RHOBTB1: variants seen among roughly 807,000 people sequenced by gnomAD.
RHOBTB1 encodes the protein Rho related BTB domain containing 1.
A neutral mutation model predicts 71.6 loss-of-function variants in RHOBTB1; 40 were observed. The observed-to-expected ratio is 0.56, with a 90% CI of 0.43 to 0.73. The LOEUF (loss-of-function observed/expected upper bound fraction) is 0.73, where lower values mean the gene tolerates loss of function less well. RHOBTB1 is among the 30% of genes least tolerant of loss of function. RHOBTB1 has a pLI of 0.00. For missense variants in RHOBTB1, 797 were observed against 894.0 expected, an observed-to-expected ratio of 0.89 and a Z score of 1.38; for synonymous variants, 319 against 334.9, an observed-to-expected ratio of 0.95 and a Z score of 0.52.
intron 2 of RHOBTB1, among the ~76,000 whole-genome samples, chr10:60,933,142 T>C (rs538503262): frequency 5.9e-5 from 9 of 152,326 alleles, no homozygotes; most frequent in Non-Finnish European, 1.2e-4. Flanking sequence ...TTAAGATCTC[T>C]TACTTTATTT....
At chr10:60,906,826 C>T (rs1183753583) in intron 4 of RHOBTB1, among the ~76,000 whole-genome samples, 2 of 152,102 alleles carry the variant, frequency 1.3e-5, no homozygotes, top group Non-Finnish European at 2.9e-5. Context: ...ATAAAATCTG[C>T]AATTATTTAC....
chr10:60,954,294 G>C (rs1275644445), intron 2 of RHOBTB1, among the ~76,000 whole-genome samples: 2 of 152,134 alleles, frequency 1.3e-5, no homozygotes, highest in African/African-American at 4.8e-5. Context: ...GTTTATGACA[G>C]ACCAGAGTAC....
intron 4 of RHOBTB1, among the ~76,000 whole-genome samples, chr10:60,907,009 A>G (rs1589258729): frequency 6.6e-6 from 1 of 152,208 alleles, no homozygotes; most frequent in Non-Finnish European, 1.5e-5. Context: ...ACAGTGAATA[A>G]GTATCATGAG....
chr10:60,985,957 A>T (rs747858742), intron 1 of RHOBTB1: 1 of 152,168 alleles, frequency 6.6e-6, no homozygotes, highest in Non-Finnish European at 1.5e-5. Context: ...TAGGAAAGAG[A>T]TATATACAAG....
chr10:60,976,630 G>A (rs1040867495), intron 2 of RHOBTB1, among the ~76,000 whole-genome samples: 4 of 151,910 alleles, frequency 2.6e-5, no homozygotes, highest in Non-Finnish European at 5.9e-5. Flanking sequence ...AGTAGACATT[G>A]TCCAACAGAC....
intron 2 of RHOBTB1, among the ~76,000 whole-genome samples, chr10:60,965,741 G>A (rs148053989): frequency 2.2e-3 from 329 of 152,144 alleles, no homozygotes; most frequent in African/African-American, 7.4e-3. Flanking sequence ...CCGTAGTTGG[G>A]GAATAAAGTC....
chr10:60,935,651 A>G (rs1352058473), intron 2 of RHOBTB1, among the ~76,000 whole-genome samples: 3 of 152,144 alleles, frequency 2.0e-5, no homozygotes, highest in Non-Finnish European at 4.4e-5. Context: ...TAGTTGTTAA[A>G]TTTTTAGGAA....
In RHOBTB1 at chr10:60,914,816, A is replaced by G. The variant is rs117507594; in HGVS notation, c.-10-3264T>C. ...TAGTCCTAAGAAGAATTTCTGTGTCAAAGGTGAGAATAACATCTATGGGTC... is the reference window on the plus strand; with the variant it reads ...TAGTCCTAAGAAGAATTTCTGTGTCGAAGGTGAGAATAACATCTATGGGTC... On this transcript the variant is annotated intron_variant, in intron 2 of 10. Coordinates refer to ENST00000337910, the MANE Select transcript of RHOBTB1 (RefSeq NM_014836.5). Among the ~76,000 whole-genome samples, 388 of 152,334 alleles carry G rather than the reference A, an allele frequency of 2.5e-3. 1 individual carries two copies. Among genetic ancestry groups the G allele is most frequent in the Non-Finnish European group, 4.3e-3 (291 of 68,026 alleles).
At chr10:60,920,955 GTT>G (rs71018934) in intron 2 of RHOBTB1, among the ~76,000 whole-genome samples, 9,096 of 139,828 alleles carry the variant, frequency 0.065, 478 homozygotes, top group African/African-American at 0.15. Context: ...TTTTTTTTTT[GTT>G]TTTTTTTTTT....
intron 2 of RHOBTB1, among the ~76,000 whole-genome samples, chr10:60,936,047 A>G (rs1257087946): frequency 6.6e-6 from 1 of 152,264 alleles, no homozygotes; most frequent in African/African-American, 2.4e-5. Context: ...CTATATGTGT[A>G]GGTGTTACAC....
At chr10:60,978,358 T>C (rs2086382761) in intron 2 of RHOBTB1, among the ~76,000 whole-genome samples, 1 of 152,158 alleles carries the variant, frequency 6.6e-6, no homozygotes, top group Admixed American at 6.6e-5. Context: ...CCCAAAGGGC[T>C]TTATGTCTCC....
chr10:60,929,128 C>T (rs927789330), intron 2 of RHOBTB1, among the ~76,000 whole-genome samples: 7 of 152,130 alleles, frequency 4.6e-5, no homozygotes, highest in Non-Finnish European at 1.0e-4. Context: ...TCAATCACCT[C>T]CCACCAGGCC....
intron 2 of RHOBTB1, among the ~76,000 whole-genome samples, chr10:60,917,151 G>A (rs1266453640): frequency 6.6e-6 from 1 of 152,198 alleles, no homozygotes; most frequent in African/African-American, 2.4e-5. Context: ...GTTTGTTACA[G>A]CAGCAATAAG....
At chr10:60,988,712 G>A (rs2086756646) in intron 1 of RHOBTB1, among the ~76,000 whole-genome samples, 1 of 152,146 alleles carries the variant, frequency 6.6e-6, no homozygotes, top group Admixed American at 6.5e-5. Context: ...CCACTGATGG[G>A]CACCTAGGTT....
In RHOBTB1 at chr10:60,888,993, C is replaced by T; in HGVS notation, c.675G>A (p.Gln225=). ...GGAAGGGTGCCTGAAGTAAAGGTTT[C>T]TGGACTTTCTTTAGGTGGGATTTCC... ...QFWKSHLKKV[Q]KPLLQAPFLP... is the part of the protein sequence containing the mutation. Residue 225 remains glutamine, a synonymous_variant, in exon 6 of 11, where the codon CAG becomes CAA. Coordinates refer to ENST00000337910, the MANE Select transcript of RHOBTB1 (RefSeq NM_014836.5). 1 of 1,614,100 alleles carries T rather than the reference C, an allele frequency of 6.2e-7. No homozygotes were observed. The highest frequency in any genetic ancestry group is 1.3e-5 in the African/African-American group (1 of 74,998).
Position 60,871,620 on chromosome 10 carries a change from C to T in RHOBTB1, c.1953G>A (p.Trp651Ter), listed in dbSNP as rs2080787514. ...CTTCCTTCAGGTACCACACAGGGGGCCAGCGGTGCCGCTCGAAGTATTCCT... is the reference window on the plus strand; with the variant it reads ...CTTCCTTCAGGTACCACACAGGGGGTCAGCGGTGCCGCTCGAAGTATTCCT... ...DNQEYFERHR[W>*]PPVWYLKEED... The change falls in exon 11 of 11, where the codon TGG becomes TGA. Residue 651 changes from tryptophan to a stop codon, truncating the protein, a stop_gained. Coordinates refer to ENST00000337910, the MANE Select transcript of RHOBTB1 (RefSeq NM_014836.5). LOFTEE classifies it high-confidence loss of function. The T allele has an allele frequency of 6.2e-7, 1 of 1,614,028 alleles. No individual in the cohort carries two copies.
chr10:60,953,060 G>A (rs1340438295), intron 2 of RHOBTB1, among the ~76,000 whole-genome samples: 2 of 152,134 alleles, frequency 1.3e-5, no homozygotes, highest in Non-Finnish European at 2.9e-5. Flanking sequence ...ATTGTACCTT[G>A]TGCCAGCAAG....
At position 60,938,725 on chromosome 10, in the gene RHOBTB1, T is replaced by A. The variant is rs1281085137; in HGVS notation, c.-11+3079A>T. Among the ~76,000 whole-genome samples, 5 of 152,146 alleles carry A rather than the reference T, an allele frequency of 3.3e-5. 1 individual carries two copies. Among genetic ancestry groups the A allele is most frequent in the Admixed American group, 1.3e-4 (2 of 15,274 alleles). Reference sequence around the variant, plus strand: ...ATGAAATGGTTTAAAGTGTTGTTTTTTTGGAGGGGGGGTTTGTTTAGAGCA... The same window carrying A: ...ATGAAATGGTTTAAAGTGTTGTTTTATTGGAGGGGGGGTTTGTTTAGAGCA... On this transcript the variant is annotated intron_variant, in intron 2 of 10. Coordinates refer to ENST00000337910, the MANE Select transcript of RHOBTB1 (RefSeq NM_014836.5).
At chr10:60,942,519 C>A (rs1295961491) in intron 1 of RHOBTB1, among the ~76,000 whole-genome samples, 4 of 152,162 alleles carry the variant, frequency 2.6e-5, no homozygotes, top group African/African-American at 7.2e-5. Flanking sequence ...ACCTTTTTCC[C>A]ATTAATATGT....
Sources: allele counts gnomAD v4.1 joint callset (sites outside exome capture counted in the v4.1 genomes callset), GRCh38; gene constraint gnomAD v4.1.1; transcripts MANE v1.5; gene names NCBI Gene and HGNC (gene_info 2026-07-23, HGNC 2026-07-21).